Variants in CCDC141 observed in about 807,000 individuals in gnomAD.
CCDC141 encodes coiled-coil domain containing 141.
Under a neutral mutation model 181.0 loss-of-function variants are expected in CCDC141, and 168 were observed. The observed-to-expected ratio is 0.93, with a 90% CI of 0.82 to 1.05. The LOEUF is 1.05. Among genes scored for constraint, CCDC141 ranks in the 50% least tolerant of loss-of-function variants. The pLI is 0.00. For synonymous variants in CCDC141, 666 were observed against 642.3 expected, an observed-to-expected ratio of 1.04 and a Z score of -0.56; for missense variants, 1,902 against 1,788.5, an observed-to-expected ratio of 1.06 and a Z score of -1.14.
chr2:178,902,896 A>C lies in CCDC141; in HGVS notation c.1265+2433T>G, dbSNP rs113238108. Among the ~76,000 whole-genome samples the C allele has an allele frequency of 5.5e-3, 783 of 141,316 alleles. 14 individuals are homozygous for C. The highest frequency in any genetic ancestry group is 0.018 in the African/African-American group (694 of 39,352). 92.7% of individuals were successfully genotyped at this position (141,316 alleles called of 152,430 possible). Reference sequence around the variant, plus strand: ...AATATCCAGAATCTACAGTGAACTCAAACAAATTTACAAGAAAAAAACAAA... The same window carrying C: ...AATATCCAGAATCTACAGTGAACTCCAACAAATTTACAAGAAAAAAACAAA... On this transcript the variant is annotated intron_variant, in intron 8 of 23. Transcript: ENST00000443758.
Position 178,887,630 on chromosome 2 carries a change from T to A in CCDC141, c.1408-759A>T, listed in dbSNP as rs141218985. Among the ~76,000 whole-genome samples, 170 of 152,238 alleles carry A rather than the reference T, an allele frequency of 1.1e-3. 1 individual carries two copies. Among genetic ancestry groups the A allele is most frequent in the African/African-American group, 4.0e-3 (167 of 41,540 alleles). The stretch of plus-strand genomic sequence containing the variant: ...ATGCAGCACCACAGCTGCCACCATA[T>A]TTGGAAACTCCCTAAACCCAGGCAC... On this transcript the variant is annotated intron_variant, in intron 9 of 23. Transcript: ENST00000443758.
the CCDC141 span, among the ~76,000 whole-genome samples, chr2:178,823,462 C>T: frequency 6.6e-6 from 1 of 152,052 alleles, no homozygotes; most frequent in Non-Finnish European, 1.5e-5. Flanking sequence ...ACACACAAAA[C>T]ATTTGTTCCC....
intron 2 of CCDC141, among the ~76,000 whole-genome samples, chr2:179,000,055 TACACACACAC>T (rs67309651): frequency 0.021 from 3,051 of 143,988 alleles, 45 homozygotes; most frequent in African/African-American, 0.05. Context: ...TTCATCACCA[TACACACACAC>T]ACACACACAC....
Position 178,888,584 on chromosome 2 carries a change from CT to C in CCDC141, c.1349del (p.Lys450ArgfsTer10). 1 of 1,550,610 alleles carries C rather than the reference CT, an allele frequency of 6.4e-7. No individual in the cohort carries two copies. The part of the protein sequence containing the change: ...DHLTEQCSAH[K>X]EYALKKQQLT... ...GTTGTTGTTTCTTAAGAGCATATTC[CT>C]TGTGCGCTGAACACTGTTCGGTCAG... On this transcript the variant is annotated frameshift_variant, in exon 9 of 24. Coordinates refer to ENST00000443758, the MANE Select transcript of CCDC141 (RefSeq NM_173648.4). LOFTEE classifies it high-confidence loss of function.
At chr2:178,991,064 T>C (rs908719266) in intron 2 of CCDC141, among the ~76,000 whole-genome samples, 18 of 152,182 alleles carry the variant, frequency 1.2e-4, no homozygotes, top group African/African-American at 3.6e-4. Flanking sequence ...GTTTTAGCTA[T>C]TGGCTACTGA....
At chr2:179,049,819 A>G in intron 1 of CCDC141, 21 bp downstream of exon 1, 2 of 1,550,500 alleles carry the variant, frequency 1.3e-6, no homozygotes, top group Non-Finnish European at 1.7e-6. Flanking sequence ...CCGCACAGAA[A>G]AAAGGAAGTT....
At chr2:178,884,050 T>C (rs942721179) in intron 11 of CCDC141, among the ~76,000 whole-genome samples, 2 of 152,290 alleles carry the variant, frequency 1.3e-5, no homozygotes, top group African/African-American at 4.8e-5. Context: ...AGAAGATGAC[T>C]GTTTTGAAAT....
At chr2:178,998,689 C>A (rs942917359) in intron 2 of CCDC141, among the ~76,000 whole-genome samples, 2 of 151,980 alleles carry the variant, frequency 1.3e-5, no homozygotes, top group African/African-American at 4.8e-5. Flanking sequence ...CCAGTGCACT[C>A]TGATTTTTCT....
At chr2:178,822,102 T>C in the CCDC141 span, among the ~76,000 whole-genome samples, 2 of 152,160 alleles carry the variant, frequency 1.3e-5, no homozygotes, top group East Asian at 3.9e-4. Flanking sequence ...TTCATGTCCT[T>C]TGTAGGGACA....
chr2:178,970,472 C>T (rs1296444682), intron 4 of CCDC141, among the ~76,000 whole-genome samples: 1 of 152,204 alleles, frequency 6.6e-6, no homozygotes, highest in African/African-American at 2.4e-5. Context: ...CACCACACAT[C>T]TACAACCATC....
chr2:179,015,825 ATGTATCATATATATCTCATATATC>A (rs2042513825), intron 2 of CCDC141, among the ~76,000 whole-genome samples: 1 of 77,268 alleles, frequency 1.3e-5, no homozygotes, highest in South Asian at 4.0e-4. Context: ...TATCTCATAT[ATGTATCATATATATCTCATATATC>A]TCATATATAT....
chr2:178,911,965 T>A (rs1233968643), intron 7 of CCDC141, among the ~76,000 whole-genome samples: 1 of 152,222 alleles, frequency 6.6e-6, no homozygotes, highest in Non-Finnish European at 1.5e-5. Context: ...TAAATTATCT[T>A]CTTTCAAAAT....
At chr2:178,976,401 G>A (rs930459700) in intron 3 of CCDC141, among the ~76,000 whole-genome samples, 1 of 152,030 alleles carries the variant, frequency 6.6e-6, no homozygotes, top group African/African-American at 2.4e-5. Context: ...TAACACAATC[G>A]ACTGTAGTTT....
chr2:178,826,401 C>A (rs1434565402), downstream of CCDC141, among the ~76,000 whole-genome samples: 2 of 151,970 alleles, frequency 1.3e-5, no homozygotes, highest in Non-Finnish European at 2.9e-5. Context: ...CTTGTAATAC[C>A]TTTACCTGGT....
chr2:178,993,469 T>C (rs1692147739), intron 2 of CCDC141, among the ~76,000 whole-genome samples: 1 of 152,150 alleles, frequency 6.6e-6, no homozygotes. Flanking sequence ...TTCACCATCA[T>C]GAGAACAGCA....
intron 14 of CCDC141, among the ~76,000 whole-genome samples, chr2:178,871,105 C>T (rs1686100962): frequency 6.6e-6 from 1 of 152,056 alleles, no homozygotes; most frequent in African/African-American, 2.4e-5. Context: ...TTTAAAACAC[C>T]TCTGCACTCC....
At chr2:178,962,932 A>G (rs1229070511) in intron 4 of CCDC141, among the ~76,000 whole-genome samples, 1 of 152,096 alleles carries the variant, frequency 6.6e-6, no homozygotes, top group Non-Finnish European at 1.5e-5. Flanking sequence ...TCTTTACCGT[A>G]CTCATATTTC....
intron 6 of CCDC141, among the ~76,000 whole-genome samples, chr2:178,919,163 C>T (rs1688582507): frequency 6.6e-6 from 1 of 152,080 alleles, no homozygotes. Flanking sequence ...CGTGCTGGCA[C>T]CCTGATCTCA....
At chr2:178,954,172 T>C (rs953809452) in intron 5 of CCDC141, among the ~76,000 whole-genome samples, 3 of 152,230 alleles carry the variant, frequency 2.0e-5, no homozygotes, top group Admixed American at 6.5e-5. Context: ...TTTTAATATA[T>C]TTGTTTTTCT....
Sources: allele counts gnomAD v4.1 joint callset (sites outside exome capture counted in the v4.1 genomes callset), GRCh38; gene constraint gnomAD v4.1.1; transcripts MANE v1.5; gene names NCBI Gene and HGNC (gene_info 2026-07-23, HGNC 2026-07-21).